Variants in CREB5 observed in about 807,000 individuals in gnomAD.
CREB5 encodes cyclic AMP-responsive element-binding protein 5.
In CREB5, 19 loss-of-function variants were observed where a neutral mutation model predicts 57.1. The ratio of observed to expected loss-of-function variants is 0.33; its 90% CI spans 0.23 to 0.49. The LOEUF is 0.49. Among genes scored for constraint, CREB5 ranks in the 20% least tolerant of loss-of-function variants. The probability of loss-of-function intolerance (pLI) is 0.99; values close to 1 mark genes in which losing one functional copy is unlikely to be tolerated. For synonymous variants in CREB5, 238 were observed against 238.3 expected (o/e 1.00, Z 0.01); for missense variants, 579 against 671.6 (o/e 0.86, Z 1.52).
chr7:28,774,257 A>G (rs2128778649), intron 7 of CREB5, among the ~76,000 whole-genome samples: 1 of 152,354 alleles, frequency 6.6e-6, no homozygotes, highest in Non-Finnish European at 1.5e-5. Context: ...TACTGCAGGT[A>G]GTAGTCTAGA....
At chr7:28,384,726 G>T (rs1298540749) in intron 1 of CREB5, among the ~76,000 whole-genome samples, 1 of 151,654 alleles carries the variant, frequency 6.6e-6, no homozygotes, top group Non-Finnish European at 1.5e-5. Context: ...AGCATATTTG[G>T]TGCAAATAGA....
chr7:28,462,402 A>G (rs1280232176), intron 1 of CREB5, among the ~76,000 whole-genome samples: 1 of 152,184 alleles, frequency 6.6e-6, no homozygotes, highest in African/African-American at 2.4e-5. Flanking sequence ...AAGTTTTTAT[A>G]TGAACATAGG....
At chr7:28,761,897 CT>C (rs1444946024) in intron 7 of CREB5, among the ~76,000 whole-genome samples, 1 of 152,138 alleles carries the variant, frequency 6.6e-6, no homozygotes. Context: ...TGTGATCCTG[CT>C]TGCTTTGGGA....
intron 1 of CREB5, among the ~76,000 whole-genome samples, chr7:28,476,556 A>C (rs1168124906): frequency 6.6e-6 from 1 of 152,216 alleles, no homozygotes; most frequent in African/African-American, 2.4e-5. Context: ...GAGTTAAGTA[A>C]CTTGCCTAAG....
chr7:28,684,379 G>A (rs1393347238), intron 5 of CREB5, among the ~76,000 whole-genome samples: 2 of 152,208 alleles, frequency 1.3e-5, no homozygotes, highest in Non-Finnish European at 2.9e-5. Context: ...TGTGGCATCA[G>A]CATCAATTGA....
intron 1 of CREB5, among the ~76,000 whole-genome samples, chr7:28,452,072 G>A (rs533596699): frequency 6.6e-6 from 1 of 152,196 alleles, no homozygotes; most frequent in African/African-American, 2.4e-5. Context: ...CTATTTCAGT[G>A]CTGCACCAGC....
At chr7:28,550,816 G>A (rs1382398407) in intron 4 of CREB5, among the ~76,000 whole-genome samples, 1 of 152,194 alleles carries the variant, frequency 6.6e-6, no homozygotes, top group Non-Finnish European at 1.5e-5. Context: ...TGCTTACATA[G>A]CATCAATAAA....
chr7:28,757,605 A>G (rs571860850), intron 7 of CREB5, among the ~76,000 whole-genome samples: 1 of 151,908 alleles, frequency 6.6e-6, no homozygotes, highest in South Asian at 2.1e-4. Context: ...CCCAGGAGCC[A>G]GAGCTTGCAG....
At chr7:28,646,931 C>T (rs1022797747) in intron 5 of CREB5, among the ~76,000 whole-genome samples, 1 of 151,264 alleles carries the variant, frequency 6.6e-6, no homozygotes, top group African/African-American at 2.4e-5. Context: ...TTTCATTGGC[C>T]GAAAACTAGA....
chr7:28,798,143 C>T (rs1056293172), intron 7 of CREB5, among the ~76,000 whole-genome samples: 1 of 152,112 alleles, frequency 6.6e-6, no homozygotes, highest in Non-Finnish European at 1.5e-5. Context: ...GGAGCAAAAA[C>T]CAACAGCCAT....
At chr7:28,547,845 C>T (rs947609555) in intron 4 of CREB5, among the ~76,000 whole-genome samples, 2 of 152,172 alleles carry the variant, frequency 1.3e-5, no homozygotes, top group African/African-American at 2.4e-5. Flanking sequence ...AAGACCATAT[C>T]TTATACTTCT....
At chr7:28,301,564 A>G (rs1013199822) in intron 1 of CREB5, among the ~76,000 whole-genome samples, 3 of 152,202 alleles carry the variant, frequency 2.0e-5, no homozygotes, top group Admixed American at 1.3e-4. Context: ...CCAACCCCGG[A>G]TATACTGAAT....
Position 28,448,862 on chromosome 7 carries a change from A to C in CREB5, c.3+35945A>C, listed in dbSNP as rs141291589. Among the ~76,000 whole-genome samples the C allele has an allele frequency of 3.5e-3, 536 of 152,346 alleles. 7 individuals are homozygous for C. Among genetic ancestry groups the C allele is most frequent in the African/African-American group, 0.012 (518 of 41,580 alleles). On this transcript the variant is annotated intron_variant, in intron 1 of 10. Transcript: ENST00000357727. ...TAGAAGCCGAGCCCAGAGGGGTTAA[A>C]TGACTTGCTTTTGTTCACACTGCTG...
chr7:28,728,393 G>A (rs1256445380), intron 7 of CREB5, among the ~76,000 whole-genome samples: 3 of 152,162 alleles, frequency 2.0e-5, no homozygotes, highest in Admixed American at 2.0e-4. Flanking sequence ...ATATCATATG[G>A]CTACCAGATA....
At chr7:28,325,504 GCTTCC>G (rs899217635) in intron 1 of CREB5, among the ~76,000 whole-genome samples, 29 of 152,002 alleles carry the variant, frequency 1.9e-4, no homozygotes, top group African/African-American at 6.8e-4. Context: ...CATTCCGAAG[GCTTCC>G]CTTGATGCTG....
chr7:28,456,828 T>G (rs1377373693), intron 1 of CREB5, among the ~76,000 whole-genome samples: 3 of 152,252 alleles, frequency 2.0e-5, no homozygotes, highest in Non-Finnish European at 4.4e-5. Context: ...GCACACCCCC[T>G]TCTTGTTTGG....
At chr7:28,512,647 CTGTG>C (rs746213187) in intron 4 of CREB5, among the ~76,000 whole-genome samples, 7 of 75,398 alleles carry the variant, frequency 9.3e-5, no homozygotes, top group South Asian at 3.8e-4. Context: ...CATATAATAA[CTGTG>C]TGTGTGTGTG....
chr7:28,626,983 T>G (rs998850610), intron 5 of CREB5, among the ~76,000 whole-genome samples: 1 of 152,142 alleles, frequency 6.6e-6, no homozygotes, highest in Non-Finnish European at 1.5e-5. Context: ...TTGCAATGAG[T>G]TAGAAACAAG....
At chr7:28,360,842 C>A (rs1490843609) in intron 1 of CREB5, among the ~76,000 whole-genome samples, 1 of 152,160 alleles carries the variant, frequency 6.6e-6, no homozygotes, top group Non-Finnish European at 1.5e-5. Context: ...GCAATCATTC[C>A]TAGTGGTGTG....
Sources: allele counts gnomAD v4.1 joint callset (sites outside exome capture counted in the v4.1 genomes callset), GRCh38; gene constraint gnomAD v4.1.1; transcripts MANE v1.5; gene names NCBI Gene and HGNC (gene_info 2026-07-23, HGNC 2026-07-21).